The following KSR1 variants were observed in gnomAD, a reference collection of about 807,000 sequenced individuals.
The protein encoded by KSR1 is kinase suppressor of ras 1.
KSR1 carries 35 observed loss-of-function variants against 92.9 expected under a neutral mutation model. The observed-to-expected ratio is 0.38, with a 90% confidence interval of 0.29 to 0.50. KSR1 has a LOEUF of 0.50. KSR1 is among the 20% of genes least tolerant of loss of function. KSR1 has a pLI of 0.94. For synonymous variants in KSR1, 467 were observed against 472.6 expected (o/e 0.99, Z 0.15); for missense variants, 972 against 1,158.5 (o/e 0.84, Z 2.34).
intron 3 of KSR1, among the ~76,000 whole-genome samples, chr17:27,582,017 T>C (rs2072779873): frequency 6.6e-6 from 1 of 152,204 alleles, no homozygotes; most frequent in Non-Finnish European, 1.5e-5. Context: ...GTGGAGTTTT[T>C]CCTTCCTTCA....
chr17:27,536,507 C>T (rs906260209), intron 1 of KSR1, among the ~76,000 whole-genome samples: 2 of 152,222 alleles, frequency 1.3e-5, no homozygotes. Flanking sequence ...TTTATCCACA[C>T]GCACTTCAGT....
intron 1 of KSR1, among the ~76,000 whole-genome samples, chr17:27,488,237 G>A (rs2068725390): frequency 6.6e-6 from 1 of 152,208 alleles, no homozygotes; most frequent in African/African-American, 2.4e-5. Context: ...CCACAACTCA[G>A]GTTAAGAAGT....
intron 13 of KSR1, 70 bp downstream of exon 13, chr17:27,604,798 A>C: frequency 6.8e-7 from 1 of 1,477,878 alleles, no homozygotes; most frequent in Non-Finnish European, 9.5e-7. Context: ...CAGAATGCGC[A>C]GGGGGCTTGA....
intron 1 of KSR1, among the ~76,000 whole-genome samples, chr17:27,477,511 C>T (rs1231685915): frequency 6.6e-6 from 1 of 152,178 alleles, no homozygotes; most frequent in Admixed American, 6.5e-5. Flanking sequence ...TGGCTGATGA[C>T]CAAGCCCATA....
intron 11 of KSR1, among the ~76,000 whole-genome samples, chr17:27,602,305 G>A (rs369454068): frequency 4.6e-5 from 7 of 152,122 alleles, no homozygotes; most frequent in East Asian, 1.9e-4. Flanking sequence ...CCCGCCTCCC[G>A]GAGGCTCCCT....
chr17:27,477,893 T>C (rs1395055298), intron 1 of KSR1, among the ~76,000 whole-genome samples: 1 of 152,108 alleles, frequency 6.6e-6, no homozygotes, highest in East Asian at 1.9e-4. Flanking sequence ...TTTTATTTTT[T>C]GTAAAGATGA....
chr17:27,569,634 G>A (rs538031451), intron 2 of KSR1, among the ~76,000 whole-genome samples: 17 of 152,216 alleles, frequency 1.1e-4, no homozygotes, highest in South Asian at 6.2e-4. Context: ...AGAATATTTC[G>A]TGACCCGTAA....
At chr17:27,521,463 C>A (rs189290907) in intron 1 of KSR1, among the ~76,000 whole-genome samples, 223 of 149,408 alleles carry the variant, frequency 1.5e-3, no homozygotes, top group Non-Finnish European at 2.6e-3. Flanking sequence ...TAGCTAGGAT[C>A]ACAGGGTCTA....
chr17:27,563,170 C>T (rs1343629728), intron 2 of KSR1, among the ~76,000 whole-genome samples: 1 of 152,216 alleles, frequency 6.6e-6, no homozygotes, highest in African/African-American at 2.4e-5. Flanking sequence ...CCACTCTTTA[C>T]CCTCTTGATT....
At chr17:27,567,236 T>C (rs2072112073) in intron 2 of KSR1, among the ~76,000 whole-genome samples, 1 of 152,192 alleles carries the variant, frequency 6.6e-6, no homozygotes, top group Admixed American at 6.5e-5. Flanking sequence ...TCTCAGGACC[T>C]GGGCGTTAGG....
At position 27,613,520 on chromosome 17, in the gene KSR1, G is replaced by A. The variant is rs141845874; in HGVS notation, c.2493+1891G>A. On this transcript the variant is annotated intron_variant, in intron 18 of 20. Transcript: ENST00000644974. ...CAGGCTCCTCCCCTGCATAAGGCGC[G>A]AATTCCTGGTGGCTCCACCCTATTC... Among the ~76,000 whole-genome samples the A allele has an allele frequency of 5.9e-3, 898 of 152,310 alleles. 7 individuals are homozygous for A. Among genetic ancestry groups the A allele is most frequent in the Middle Eastern group, 0.014 (4 of 294 alleles).
chr17:27,506,363 C>T (rs948736241), intron 1 of KSR1, among the ~76,000 whole-genome samples: 13 of 152,220 alleles, frequency 8.5e-5, no homozygotes, highest in African/African-American at 3.1e-4. Context: ...GCAATAATTA[C>T]AAGAGGTAGT....
At chr17:27,607,723 A>C (rs1169660254) in intron 14 of KSR1, among the ~76,000 whole-genome samples, 191 bp from the exon 15 acceptor site, 7 of 152,230 alleles carry the variant, frequency 4.6e-5, no homozygotes, top group Admixed American at 1.3e-4. Context: ...GTGTGGTGTC[A>C]TGTGTTTCTG....
At chr17:27,519,463 C>G (rs1400844805) in intron 1 of KSR1, among the ~76,000 whole-genome samples, 2 of 152,114 alleles carry the variant, frequency 1.3e-5, no homozygotes, top group African/African-American at 2.4e-5. Flanking sequence ...CCCTTCAACC[C>G]CCGGCATTTA....
chr17:27,519,975 G>T (rs546339961), intron 1 of KSR1, among the ~76,000 whole-genome samples: 1 of 152,300 alleles, frequency 6.6e-6, no homozygotes, highest in South Asian at 2.1e-4. Context: ...TAGACCATGG[G>T]TACTCAGTGC....
intron 1 of KSR1, among the ~76,000 whole-genome samples, chr17:27,492,694 A>G (rs2068866080): frequency 6.6e-6 from 1 of 152,170 alleles, no homozygotes; most frequent in Non-Finnish European, 1.5e-5. Context: ...CGAGGCATCC[A>G]TCCCTTCATG....
chr17:27,508,293 A>C (rs752143041), intron 1 of KSR1, among the ~76,000 whole-genome samples: 3 of 152,158 alleles, frequency 2.0e-5, no homozygotes, highest in Admixed American at 6.5e-5. Context: ...CCTGGCTCTG[A>C]GCAGTTAGAA....
At chr17:27,581,716 T>G (rs1281719915) in intron 3 of KSR1, among the ~76,000 whole-genome samples, 1 of 152,178 alleles carries the variant, frequency 6.6e-6, no homozygotes, top group Non-Finnish European at 1.5e-5. Flanking sequence ...GTTATGTGCC[T>G]GTCATGCCCA....
At chr17:27,602,750 G>A (rs563013506) in intron 11 of KSR1, among the ~76,000 whole-genome samples, 2 of 152,320 alleles carry the variant, frequency 1.3e-5, no homozygotes, top group East Asian at 3.9e-4. Context: ...TCCGGGGGAG[G>A]CCTTACCGGT....
Sources: gnomAD v4.1 joint callset for allele counts (sites outside exome capture counted in the v4.1 genomes callset) on GRCh38, gnomAD v4.1.1 for gene constraint, MANE v1.5 for transcripts, NCBI Gene and HGNC (gene_info 2026-07-23, HGNC 2026-07-21) for gene names.